Variants in CACNA2D3 observed in about 807,000 individuals in gnomAD.
CACNA2D3 encodes the protein voltage-dependent calcium channel subunit alpha-2/delta-3.
CACNA2D3 carries 60 observed loss-of-function variants against 160.6 expected under a neutral mutation model. The observed-to-expected ratio is 0.37, with a 90% CI of 0.30 to 0.46. CACNA2D3 has a LOEUF of 0.46. Ranked by LOEUF, CACNA2D3 falls within the 20% of genes least tolerant of loss-of-function variation. The pLI is 1.00. For missense variants in CACNA2D3, 1,205 were observed against 1,365.0 expected (o/e 0.88, Z 1.85); for synonymous variants, 558 against 492.9 (o/e 1.13, Z -1.75).
intron 18 of CACNA2D3, 50 bp downstream of exon 18, chr3:54,871,672 A>C (rs1055784005): frequency 2.1e-6 from 3 of 1,408,226 alleles, no homozygotes; most frequent in Non-Finnish European, 3.0e-6. Flanking sequence ...CATTGTACCC[A>C]CTTCTGTACC....
intron 29 of CACNA2D3, 84 bp downstream of exon 29, chr3:54,969,928 A>G: frequency 8.4e-7 from 1 of 1,194,176 alleles, no homozygotes; most frequent in East Asian, 2.4e-5. Flanking sequence ...ATGCCCTTAT[A>G]AACAAGGCCA....
intron 5 of CACNA2D3, among the ~76,000 whole-genome samples, chr3:54,530,512 A>G (rs1158830300): frequency 6.6e-6 from 1 of 152,206 alleles, no homozygotes; most frequent in Non-Finnish European, 1.5e-5. Flanking sequence ...ATTTCCTCAC[A>G]AGACCAGCCC....
intron 11 of CACNA2D3, among the ~76,000 whole-genome samples, chr3:54,690,924 TC>T (rs1446682373): frequency 3.3e-5 from 5 of 152,310 alleles, no homozygotes; most frequent in African/African-American, 1.2e-4. Context: ...TCGAGGGCTG[TC>T]TTTTTACCCT....
At chr3:54,365,785 C>T (rs571219563) in intron 3 of CACNA2D3, among the ~76,000 whole-genome samples, 1 of 152,312 alleles carries the variant, frequency 6.6e-6, no homozygotes, top group East Asian at 1.9e-4. Flanking sequence ...ATCACTTGAA[C>T]TTGGGAGGCG....
intron 2 of CACNA2D3, among the ~76,000 whole-genome samples, chr3:54,305,133 A>T (rs1263083359): frequency 6.6e-6 from 1 of 152,220 alleles, no homozygotes; most frequent in African/African-American, 2.4e-5. Context: ...AACGTGAGTC[A>T]GTTACACTCC....
intron 27 of CACNA2D3, among the ~76,000 whole-genome samples, chr3:54,919,086 A>C (rs1460469036): frequency 6.6e-6 from 1 of 152,160 alleles, no homozygotes; most frequent in Non-Finnish European, 1.5e-5. Flanking sequence ...TAAAAATGCC[A>C]CACACTAAAT....
chr3:54,409,836 T>C (rs1010835190), intron 4 of CACNA2D3, among the ~76,000 whole-genome samples: 2 of 152,190 alleles, frequency 1.3e-5, no homozygotes, highest in Non-Finnish European at 1.5e-5. Flanking sequence ...AAAGAAAAGC[T>C]TGAAGCTAGC....
chr3:55,073,292 C>G (rs568734652), intron 35 of CACNA2D3, among the ~76,000 whole-genome samples, 153 bp from the exon 36 acceptor site: 4 of 152,272 alleles, frequency 2.6e-5, no homozygotes, highest in African/African-American at 7.2e-5. Context: ...TGAAGAGCCT[C>G]ATGGAGAAAG....
intron 18 of CACNA2D3, among the ~76,000 whole-genome samples, chr3:54,878,501 G>T (rs891848578): frequency 2.0e-5 from 3 of 151,430 alleles, no homozygotes; most frequent in African/African-American, 7.3e-5. Flanking sequence ...AATTGGCCCA[G>T]ATTTCTCAGA....
At position 54,236,981 on chromosome 3, in the gene CACNA2D3, G is replaced by T. The variant is rs542256899; in HGVS notation, c.205-83461G>T. On this transcript the variant is annotated intron_variant, in intron 2 of 37. Transcript: ENST00000474759. ...GGTACTCATTAGCTGTTCCCTAAAG[G>T]GCAGCTGTTGTTGTTGCCTGAAACT... 2.6e-5 allele frequency among the ~76,000 whole-genome samples: 4 copies of T among 151,970 alleles called. No homozygotes were observed. In the East Asian group the frequency reaches 7.8e-4, roughly 29 times the overall value.
intron 4 of CACNA2D3, among the ~76,000 whole-genome samples, chr3:54,434,096 T>G (rs1014689351): frequency 1.3e-5 from 2 of 152,168 alleles, no homozygotes; most frequent in Admixed American, 6.5e-5. Context: ...CATTTCCTCC[T>G]TGGTGGAAGT....
intron 2 of CACNA2D3, among the ~76,000 whole-genome samples, chr3:54,194,624 G>T (rs1365135316): frequency 6.6e-6 from 1 of 152,188 alleles, no homozygotes. Context: ...TGAAGAACAT[G>T]AATTTATTTT....
At chr3:54,906,621 G>T (rs1371980751) in intron 27 of CACNA2D3, among the ~76,000 whole-genome samples, 1 of 152,204 alleles carries the variant, frequency 6.6e-6, no homozygotes, top group Non-Finnish European at 1.5e-5. Flanking sequence ...GGGTTTTGGG[G>T]GTAGTTACCA....
At chr3:54,598,620 T>G (rs927973939) in intron 9 of CACNA2D3, among the ~76,000 whole-genome samples, 1 of 152,174 alleles carries the variant, frequency 6.6e-6, no homozygotes, top group African/African-American at 2.4e-5. Context: ...AGATGAGTCC[T>G]TCTGTATGGA....
At chr3:54,368,729 T>C (rs1355204589) in intron 3 of CACNA2D3, among the ~76,000 whole-genome samples, 1 of 93,986 alleles carries the variant, frequency 1.1e-5, no homozygotes, top group Non-Finnish European at 2.1e-5. Context: ...TGAGGCGGAG[T>C]CTCACTCTGT....
chr3:54,265,599 GTATATATATAGTGTGTA>G (rs1324013161), intron 2 of CACNA2D3, among the ~76,000 whole-genome samples: 7 of 129,452 alleles, frequency 5.4e-5, no homozygotes, highest in East Asian at 2.3e-4. Context: ...TATATAGTGT[GTATATATATAGTGTGTA>G]TATATATATA....
At chr3:54,964,349 G>T (rs962068199) in intron 27 of CACNA2D3, among the ~76,000 whole-genome samples, 1 of 152,074 alleles carries the variant, frequency 6.6e-6, no homozygotes, top group Non-Finnish European at 1.5e-5. Flanking sequence ...TGTGACCTCC[G>T]GGGAAATATG....
At chr3:54,833,601 C>A (rs892292760) in intron 14 of CACNA2D3, among the ~76,000 whole-genome samples, 2 of 151,472 alleles carry the variant, frequency 1.3e-5, no homozygotes, top group East Asian at 1.9e-4. Flanking sequence ...AAAAAAAAAA[C>A]AAAACTTGCC....
chr3:54,198,392 A>G (rs1353789704), intron 2 of CACNA2D3, among the ~76,000 whole-genome samples: 1 of 152,248 alleles, frequency 6.6e-6, no homozygotes, highest in African/African-American at 2.4e-5. Context: ...ATGTGAGGCC[A>G]GAGCCTCTGG....
Sources: allele counts gnomAD v4.1 joint callset (sites outside exome capture counted in the v4.1 genomes callset), GRCh38; gene constraint gnomAD v4.1.1; transcripts MANE v1.5; gene names NCBI Gene and HGNC (gene_info 2026-07-23, HGNC 2026-07-21).